Variants in GNAQ observed in about 807,000 individuals in gnomAD.
The protein encoded by GNAQ is G protein subunit alpha q.
GNAQ carries 8 observed loss-of-function variants against 43.9 expected under a neutral mutation model. The observed-to-expected ratio is 0.18, with a 90% CI of 0.11 to 0.33. The LOEUF is 0.33. Among genes scored for constraint, GNAQ ranks in the 10% least tolerant of loss-of-function variants. The probability of loss-of-function intolerance (pLI) is 1.00; values close to 1 mark genes in which losing one functional copy is unlikely to be tolerated. For missense variants in GNAQ, 158 were observed against 450.8 expected (o/e 0.35, Z 5.88); for synonymous variants, 155 against 170.7 (o/e 0.91, Z 0.71).
At chr9:77,994,811 TGTAA>T (rs1208290861) in intron 1 of GNAQ, among the ~76,000 whole-genome samples, 2 of 152,206 alleles carry the variant, frequency 1.3e-5, no homozygotes, top group Non-Finnish European at 2.9e-5. Flanking sequence ...ATTCCTATAT[TGTAA>T]GTCTTTATTA....
At chr9:77,814,045 G>A (rs188840002) in intron 3 of GNAQ, among the ~76,000 whole-genome samples, 1 of 152,206 alleles carries the variant, frequency 6.6e-6, no homozygotes, top group Non-Finnish European at 1.5e-5. Context: ...TAATGAATGG[G>A]AACAGGGAAT....
intron 2 of GNAQ, among the ~76,000 whole-genome samples, chr9:77,853,794 A>C (rs1030816433): frequency 1.5e-4 from 23 of 151,066 alleles, no homozygotes; most frequent in African/African-American, 4.8e-4. Context: ...AAAAAAAAAA[A>C]AAAAAACCCA....
In GNAQ at chr9:77,935,981, G is replaced by A. The variant is rs534350639; in HGVS notation, c.137-13636C>T. On this transcript the variant is annotated intron_variant, in intron 1 of 6. Transcript: ENST00000286548. Reference sequence around the variant, plus strand: ...TGCAAAGGGAAGGATCTCTTTGCTCGGAAGTATCACACCTTGAAATGTATA... The same window carrying A: ...TGCAAAGGGAAGGATCTCTTTGCTCAGAAGTATCACACCTTGAAATGTATA... Among the ~76,000 whole-genome samples the A allele has an allele frequency of 7.9e-5, 12 of 152,198 alleles. No homozygotes were observed. The South Asian group carries it at 1.9e-3, about 24-fold the overall frequency.
chr9:77,783,413 T>C (rs1826427547), intron 5 of GNAQ, among the ~76,000 whole-genome samples: 1 of 152,238 alleles, frequency 6.6e-6, no homozygotes, highest in African/African-American at 2.4e-5. Context: ...ACTTTTTGGG[T>C]ATATGAATAT....
At chr9:78,003,494 T>A (rs1250883893) in intron 1 of GNAQ, among the ~76,000 whole-genome samples, 1 of 152,128 alleles carries the variant, frequency 6.6e-6, no homozygotes, top group Non-Finnish European at 1.5e-5. Flanking sequence ...TGTTACAGAA[T>A]CTTTATCTTA....
chr9:78,003,181 T>C (rs1441961725), intron 1 of GNAQ, among the ~76,000 whole-genome samples: 2 of 152,006 alleles, frequency 1.3e-5, no homozygotes, highest in African/African-American at 4.8e-5. Context: ...CATCCAAATA[T>C]AAAGGAGAAT....
intron 5 of GNAQ, among the ~76,000 whole-genome samples, chr9:77,751,373 C>T (rs1482008383): frequency 6.6e-6 from 1 of 152,112 alleles, no homozygotes; most frequent in African/African-American, 2.4e-5. Context: ...AATACATGGG[C>T]CTGAAACACT....
At chr9:77,835,072 G>A (rs1219634287) in intron 2 of GNAQ, among the ~76,000 whole-genome samples, 2 of 151,968 alleles carry the variant, frequency 1.3e-5, no homozygotes, top group African/African-American at 2.4e-5. Context: ...CTATACATAC[G>A]TAACTGTGCA....
At chr9:77,995,155 G>A (rs1032062100) in intron 1 of GNAQ, among the ~76,000 whole-genome samples, 9 of 152,144 alleles carry the variant, frequency 5.9e-5, no homozygotes, top group African/African-American at 2.2e-4. Flanking sequence ...ATATATGAAT[G>A]TATGAGATAG....
At chr9:77,750,387 C>A (rs1049891848) in intron 5 of GNAQ, among the ~76,000 whole-genome samples, 1 of 152,116 alleles carries the variant, frequency 6.6e-6, no homozygotes, top group Admixed American at 6.5e-5. Flanking sequence ...ACTTAATTAG[C>A]AAATACAGAT....
At chr9:77,832,709 A>G (rs1317825298) in intron 2 of GNAQ, among the ~76,000 whole-genome samples, 5 of 152,194 alleles carry the variant, frequency 3.3e-5, no homozygotes, top group Non-Finnish European at 7.3e-5. Context: ...AGCAATTCAC[A>G]TGTCCATCTG....
chr9:77,803,190 C>A (rs1826773726), intron 3 of GNAQ, among the ~76,000 whole-genome samples: 1 of 152,182 alleles, frequency 6.6e-6, no homozygotes, highest in South Asian at 2.1e-4. Context: ...GAAATTACTT[C>A]TCTCGGCTAT....
intron 2 of GNAQ, among the ~76,000 whole-genome samples, chr9:77,820,328 C>T (rs891846829): frequency 3.3e-5 from 5 of 152,174 alleles, no homozygotes; most frequent in Non-Finnish European, 5.9e-5. Flanking sequence ...GACTGTTTCA[C>T]GTTTTCTGAC....
intron 1 of GNAQ, among the ~76,000 whole-genome samples, chr9:78,022,882 A>G (rs183124377): frequency 6.6e-6 from 1 of 152,382 alleles, no homozygotes; most frequent in East Asian, 1.9e-4. Context: ...CTGATTGGGT[A>G]TAACAAAAGT....
At chr9:77,939,164 G>C (rs986697684) in intron 1 of GNAQ, among the ~76,000 whole-genome samples, 3 of 152,138 alleles carry the variant, frequency 2.0e-5, no homozygotes, top group African/African-American at 7.2e-5. Context: ...CCTTCCTAAG[G>C]ATATGGAATG....
At chr9:77,838,137 ATTTTTTTT>A (rs574992587) in intron 2 of GNAQ, among the ~76,000 whole-genome samples, 12 of 87,174 alleles carry the variant, frequency 1.4e-4, no homozygotes, top group Admixed American at 2.6e-4. Context: ...GGCATTAATG[ATTTTTTTT>A]TTTTTTTTTT....
At chr9:77,879,318 C>T (rs1828175791) in intron 2 of GNAQ, among the ~76,000 whole-genome samples, 1 of 151,956 alleles carries the variant, frequency 6.6e-6, no homozygotes, top group Non-Finnish European at 1.5e-5. Flanking sequence ...GGCTGGAGTG[C>T]AGTGGTACCA....
chr9:77,737,677 A>G (rs1825594685), intron 5 of GNAQ, among the ~76,000 whole-genome samples: 1 of 152,224 alleles, frequency 6.6e-6, no homozygotes, highest in Non-Finnish European at 1.5e-5. Context: ...GCCTTGGGAT[A>G]TTGCACCAAA....
intron 5 of GNAQ, among the ~76,000 whole-genome samples, chr9:77,785,401 G>A (rs182649125): frequency 1.2e-3 from 181 of 152,260 alleles, no homozygotes; most frequent in South Asian, 7.5e-3. Context: ...CTCCAGAACC[G>A]GGGAGAATAA....
Sources: gnomAD v4.1 joint callset for allele counts (sites outside exome capture counted in the v4.1 genomes callset) on GRCh38, gnomAD v4.1.1 for gene constraint, MANE v1.5 for transcripts, NCBI Gene and HGNC (gene_info 2026-07-23, HGNC 2026-07-21) for gene names.